Variants in MAGI1 observed in about 807,000 individuals in gnomAD.
MAGI1 encodes the protein membrane associated guanylate kinase, WW and PDZ domain containing 1, also known as membrane-associated guanylate kinase, WW and PDZ domain-containing protein 1.
Under a neutral mutation model 139.9 loss-of-function variants are expected in MAGI1, and 58 were observed. The observed-to-expected ratio is 0.41, with a 90% confidence interval of 0.34 to 0.52. The LOEUF (loss-of-function observed/expected upper bound fraction) is 0.52. MAGI1 is among the 20% of genes least tolerant of loss of function. MAGI1 has a pLI of 0.12. For missense variants in MAGI1, 1,874 were observed against 1,901.6 expected (o/e 0.99, Z 0.27); for synonymous variants, 812 against 737.9 (o/e 1.10, Z -1.63).
intron 1 of MAGI1, among the ~76,000 whole-genome samples, chr3:65,944,063 G>A (rs2063445517): frequency 6.6e-6 from 1 of 152,174 alleles, no homozygotes; most frequent in Non-Finnish European, 1.5e-5. Flanking sequence ...ATCTAAAAGT[G>A]CCTAACTCTG....
At chr3:65,962,323 A>G (rs2064479503) in intron 1 of MAGI1, among the ~76,000 whole-genome samples, 1 of 150,606 alleles carries the variant, frequency 6.6e-6, no homozygotes, top group Non-Finnish European at 1.5e-5. Flanking sequence ...GGGTTTCACC[A>G]TGTTAGCCAG....
intron 4 of MAGI1, among the ~76,000 whole-genome samples, chr3:65,471,183 C>T (rs1011978036): frequency 1.3e-5 from 2 of 152,116 alleles, no homozygotes; most frequent in African/African-American, 4.8e-5. Flanking sequence ...TAAAAGAAGG[C>T]TCGAAATACT....
At chr3:65,907,056 A>C (rs751688894) in intron 1 of MAGI1, among the ~76,000 whole-genome samples, 30 of 82,554 alleles carry the variant, frequency 3.6e-4, no homozygotes, top group Non-Finnish European at 7.8e-4. Context: ...TCTTGTTTAC[A>C]AAAAAAAAAA....
intron 2 of MAGI1, among the ~76,000 whole-genome samples, chr3:65,557,716 A>C (rs2080153284): frequency 6.6e-6 from 1 of 152,096 alleles, no homozygotes; most frequent in Non-Finnish European, 1.5e-5. Context: ...TTTGTCTCCT[A>C]ATCTTACCAC....
chr3:65,704,989 C>A (rs1172840178), intron 1 of MAGI1, among the ~76,000 whole-genome samples: 5 of 152,026 alleles, frequency 3.3e-5, no homozygotes, highest in African/African-American at 1.2e-4. Flanking sequence ...TTAAAAATGG[C>A]TCTGCCTGGC....
intron 1 of MAGI1, among the ~76,000 whole-genome samples, chr3:65,942,918 G>A (rs2063380124): frequency 6.6e-6 from 1 of 152,148 alleles, no homozygotes; most frequent in Non-Finnish European, 1.5e-5. Flanking sequence ...CTACTCGGGA[G>A]GCTGAGGCAA....
chr3:65,759,350 T>G (rs2036828381), intron 1 of MAGI1, among the ~76,000 whole-genome samples: 2 of 152,188 alleles, frequency 1.3e-5, no homozygotes, highest in African/African-American at 4.8e-5. Context: ...AATGGGGATG[T>G]GTTGTGAGGA....
chr3:65,891,013 GA>G (rs2060721892), intron 1 of MAGI1, among the ~76,000 whole-genome samples: 1 of 152,056 alleles, frequency 6.6e-6, no homozygotes, highest in African/African-American at 2.4e-5. Context: ...AGGAGTTCAA[GA>G]CCAGTCTGGG....
intron 2 of MAGI1, among the ~76,000 whole-genome samples, chr3:65,503,748 A>C (rs1161550367): frequency 6.6e-6 from 1 of 152,196 alleles, no homozygotes; most frequent in African/African-American, 2.4e-5. Context: ...ATGATTTGCA[A>C]AAGTGGCCTA....
chr3:65,694,742 G>T (rs547378559), intron 1 of MAGI1, among the ~76,000 whole-genome samples: 5 of 152,168 alleles, frequency 3.3e-5, no homozygotes, highest in Non-Finnish European at 7.3e-5. Flanking sequence ...ACTACTCAAA[G>T]CAAGGTCCTC....
At chr3:65,935,400 G>A (rs113609430) in intron 1 of MAGI1, among the ~76,000 whole-genome samples, 2 of 152,138 alleles carry the variant, frequency 1.3e-5, no homozygotes, top group Admixed American at 6.5e-5. Context: ...TTGGAAGGCC[G>A]AGGTGGGCAG....
In MAGI1 at chr3:65,882,009, G is replaced by C. The variant is rs372137714; in HGVS notation, c.313+155987C>G. 3.3e-5 allele frequency among the ~76,000 whole-genome samples: 5 copies of C among 152,182 alleles called. No homozygotes were observed. The East Asian group carries it at 5.8e-4, about 18-fold the overall frequency. On this transcript the variant is annotated intron_variant, in intron 1 of 22. Coordinates refer to ENST00000402939, the MANE Select transcript of MAGI1 (RefSeq NM_001033057.2). ...TATTCCCCAAGCAACCTTCAGTTTAGGAAACTCCTGACTTCCCCTCTGAGG... is the reference window on the plus strand; with the variant it reads ...TATTCCCCAAGCAACCTTCAGTTTACGAAACTCCTGACTTCCCCTCTGAGG...
chr3:65,851,498 T>G (rs773877896), intron 1 of MAGI1, among the ~76,000 whole-genome samples: 9 of 151,662 alleles, frequency 5.9e-5, no homozygotes, highest in Non-Finnish European at 1.2e-4. Context: ...CCTCTAATCC[T>G]AGCACTTTGG....
intron 1 of MAGI1, among the ~76,000 whole-genome samples, chr3:65,912,557 G>T (rs112401634): frequency 7.9e-5 from 12 of 152,242 alleles, no homozygotes; most frequent in Admixed American, 3.3e-4. Context: ...CAGGTCACAC[G>T]CAAAGTAGGA....
chr3:65,390,277 C>T (rs963298309), intron 14 of MAGI1, among the ~76,000 whole-genome samples: 3 of 152,038 alleles, frequency 2.0e-5, no homozygotes, highest in Non-Finnish European at 2.9e-5. Context: ...TTCAACAAAC[C>T]GAATCTCCAC....
intron 11 of MAGI1, 62 bp downstream of exon 11, chr3:65,430,637 A>G (rs952705531): frequency 3.3e-5 from 51 of 1,538,202 alleles, no homozygotes; most frequent in East Asian, 2.3e-5. Context: ...ATGATTGCAC[A>G]TGTTTATCTC....
chr3:65,900,443 A>T (rs1338046154), intron 1 of MAGI1, among the ~76,000 whole-genome samples: 1 of 152,226 alleles, frequency 6.6e-6, no homozygotes, highest in East Asian at 1.9e-4. Flanking sequence ...CTAGTGTTAG[A>T]CTTGAAAAAG....
intron 1 of MAGI1, among the ~76,000 whole-genome samples, chr3:66,019,829 G>C (rs1435238105): frequency 6.6e-6 from 1 of 152,114 alleles, no homozygotes; most frequent in Non-Finnish European, 1.5e-5. Context: ...CCATCCCATT[G>C]GAGGTAGCTG....
intron 1 of MAGI1, among the ~76,000 whole-genome samples, chr3:66,037,146 T>A (rs897865204): frequency 1.3e-5 from 2 of 152,152 alleles, no homozygotes; most frequent in Non-Finnish European, 2.9e-5. Flanking sequence ...TTAACCAGTA[T>A]CAATCCCAGT....
Sources: allele counts gnomAD v4.1 joint callset (sites outside exome capture counted in the v4.1 genomes callset), GRCh38; gene constraint gnomAD v4.1.1; transcripts MANE v1.5; gene names NCBI Gene and HGNC (gene_info 2026-07-23, HGNC 2026-07-21).